Variants in U2SURP observed in about 807,000 individuals in gnomAD.
U2SURP encodes the protein U2 snRNP-associated SURP motif-containing protein.
U2SURP carries 9 observed loss-of-function variants against 144.9 expected under a neutral mutation model. That is an observed-to-expected ratio of 0.06 (90% CI 0.04 to 0.11). The LOEUF is 0.11. U2SURP is among the 10% of genes least tolerant of loss of function. The pLI is 1.00. For synonymous variants in U2SURP, 408 were observed against 396.8 expected (o/e 1.03, Z -0.33); for missense variants, 724 against 1,226.7 (o/e 0.59, Z 6.12).
intron 3 of U2SURP, among the ~76,000 whole-genome samples, chr3:143,012,765 A>T (rs1936183500): frequency 6.6e-6 from 1 of 152,044 alleles, no homozygotes; most frequent in Non-Finnish European, 1.5e-5. Flanking sequence ...GGTGCTATTC[A>T]CTCTAATGAG....
intron 23 of U2SURP, 72 bp downstream of exon 23, chr3:143,039,032 G>T: frequency 9.2e-7 from 1 of 1,086,158 alleles, no homozygotes. Flanking sequence ...AGATATAGTT[G>T]AAATAATAGT....
intron 14 of U2SURP, among the ~76,000 whole-genome samples, chr3:143,027,672 C>T (rs1039891530): frequency 6.6e-6 from 1 of 152,044 alleles, no homozygotes; most frequent in African/African-American, 2.4e-5. Flanking sequence ...TATATTTTAT[C>T]TTCAGGCATG....
intron 8 of U2SURP, among the ~76,000 whole-genome samples, chr3:143,020,982 A>G (rs1212160670): frequency 6.6e-6 from 1 of 152,222 alleles, no homozygotes; most frequent in East Asian, 1.9e-4. Context: ...ACCTAAGGTC[A>G]GGAGTTCGAG....
At chr3:143,012,749 G>A (rs1274552774) in intron 3 of U2SURP, among the ~76,000 whole-genome samples, 2 of 152,140 alleles carry the variant, frequency 1.3e-5, no homozygotes, top group Non-Finnish European at 2.9e-5. Flanking sequence ...AAAGCAAACA[G>A]GAGCAGGTGC....
At chr3:143,039,744 A>T (rs1934004135) in intron 23 of U2SURP, among the ~76,000 whole-genome samples, 1 of 151,868 alleles carries the variant, frequency 6.6e-6, no homozygotes, top group African/African-American at 2.4e-5. Context: ...GTCCTAGCAC[A>T]ATATGGGCAT....
Position 143,056,452 on chromosome 3 carries a change from G to T in U2SURP, c.*2G>T, listed in dbSNP as rs754417273. On this transcript the variant is annotated 3_prime_UTR_variant, in exon 28 of 28. Coordinates refer to ENST00000473835, the MANE Select transcript of U2SURP (RefSeq NM_001080415.2). Reference sequence around the variant, plus strand: ...AAGTCAAAGAAAAACAAACACTGACGTAAATTTTTAAGATGCTGTCACTTA... The same window carrying T: ...AAGTCAAAGAAAAACAAACACTGACTTAAATTTTTAAGATGCTGTCACTTA... 1 of 1,610,960 alleles carries T rather than the reference G, an allele frequency of 6.2e-7. No homozygotes were observed. The highest frequency in any genetic ancestry group is 1.3e-5 in the African/African-American group (1 of 74,666).
At chr3:143,010,765 G>T (rs756147160) in intron 1 of U2SURP, 50 bp from the exon 2 acceptor site, 1 of 1,400,276 alleles carries the variant, frequency 7.1e-7, no homozygotes. Flanking sequence ...GACATGTTTT[G>T]TTAGTATAAG....
At chr3:143,015,157 C>A (rs746011056) in intron 4 of U2SURP, among the ~76,000 whole-genome samples, 1 of 152,074 alleles carries the variant, frequency 6.6e-6, no homozygotes, top group Non-Finnish European at 1.5e-5. Flanking sequence ...TTGCCAATCT[C>A]CTACATGAAA....
In U2SURP at chr3:143,058,525, A is replaced by G. The variant is rs1186751979; in HGVS notation, c.*2075A>G. The G allele has an allele frequency of 6.6e-6, 1 of 151,720 alleles. No homozygotes were observed. The highest frequency in any genetic ancestry group is 1.5e-5 in the Non-Finnish European group (1 of 67,784). 9.4% of individuals were successfully genotyped at this position (151,720 alleles called of 1,614,324 possible). ...GAGGATTTCTTAGGCCTGATAGAAT[A>G]TATATTCTGTGAAGTTTGTTAATGT... is the stretch of plus-strand genomic sequence containing the variant. On this transcript the variant is annotated 3_prime_UTR_variant, in exon 28 of 28. Transcript: ENST00000473835.
chr3:143,014,187 C>T (rs746482358), intron 3 of U2SURP, 124 bp from the exon 4 acceptor site: 21 of 517,986 alleles, frequency 4.1e-5, no homozygotes, highest in Non-Finnish European at 6.9e-5. Flanking sequence ...CCCAACTTTT[C>T]TTTACAATGA....
At chr3:143,032,583 T>C (rs1207999021) in intron 16 of U2SURP, among the ~76,000 whole-genome samples, 1 of 152,214 alleles carries the variant, frequency 6.6e-6, no homozygotes, top group African/African-American at 2.4e-5. Flanking sequence ...TGGAATCTTA[T>C]TCTACAGAGT....
chr3:143,008,492 GC>G (rs1290441773), intron 1 of U2SURP, among the ~76,000 whole-genome samples: 13 of 152,178 alleles, frequency 8.5e-5, no homozygotes, highest in Non-Finnish European at 1.9e-4. Context: ...GGAATTTAGA[GC>G]GGTTGAATGA....
Position 143,059,448 on chromosome 3 carries a change from A to G in U2SURP, c.*2998A>G, listed in dbSNP as rs1331306365. 1 of 151,976 alleles carries G rather than the reference A, an allele frequency of 6.6e-6. No homozygotes were observed. The highest frequency in any genetic ancestry group is 1.5e-5 in the Non-Finnish European group (1 of 67,808). The allele number at this position is 151,976 out of a possible 1,614,324, so 9.4% of individuals were successfully genotyped here. On this transcript the variant is annotated 3_prime_UTR_variant, in exon 28 of 28. Coordinates refer to ENST00000473835, the MANE Select transcript of U2SURP (RefSeq NM_001080415.2). Reference sequence around the variant, plus strand: ...TGAGCACTTGAAAATACTTTTGAGAAATTTTAACTGTGATTAAATTTAGGT... The same window carrying G: ...TGAGCACTTGAAAATACTTTTGAGAGATTTTAACTGTGATTAAATTTAGGT...
At chr3:143,035,432 T>C (rs1208233112) in intron 19 of U2SURP, among the ~76,000 whole-genome samples, 1 of 152,182 alleles carries the variant, frequency 6.6e-6, no homozygotes, top group East Asian at 1.9e-4. Flanking sequence ...AAGAAGACTT[T>C]TTTAAGAAAA....
intron 8 of U2SURP, among the ~76,000 whole-genome samples, chr3:143,020,958 G>A (rs564822291): frequency 6.6e-6 from 1 of 152,176 alleles, no homozygotes; most frequent in African/African-American, 2.4e-5. Context: ...TTGGGAGGCC[G>A]AGGCAAGTGG....
intron 3 of U2SURP, 143 bp from the exon 4 acceptor site, chr3:143,014,168 T>G: frequency 8.6e-6 from 4 of 466,780 alleles, no homozygotes. Flanking sequence ...ACCTGATGTG[T>G]AGAGTAGCCC....
chr3:143,028,190 G>A, intron 14 of U2SURP, 150 bp from the exon 15 acceptor site: 2 of 853,398 alleles, frequency 2.3e-6, no homozygotes, highest in Non-Finnish European at 3.6e-6. Context: ...TAGGTAGCGG[G>A]TGGTAGTGGG....
intron 12 of U2SURP, 109 bp downstream of exon 12, chr3:143,023,173 C>A: frequency 9.8e-7 from 1 of 1,022,362 alleles, no homozygotes; most frequent in Non-Finnish European, 1.4e-6. Flanking sequence ...TTCTGTTTGG[C>A]AACTTTTAAA....
Position 143,056,635 on chromosome 3 carries a change from T to TA in U2SURP, c.*188dup. 1 of 600,274 alleles carries TA rather than the reference T, an allele frequency of 1.7e-6. No homozygotes were observed. Among genetic ancestry groups the TA allele is most frequent in the Non-Finnish European group, 2.7e-6 (1 of 363,722 alleles). The allele number at this position is 600,274 out of a possible 1,614,324, so 37.2% of individuals were successfully genotyped here. A position where few individuals can be genotyped will look rare whatever the true frequency, so the allele number is the denominator to read the frequency against. On this transcript the variant is annotated 3_prime_UTR_variant, in exon 28 of 28. Transcript: ENST00000473835. Reference sequence around the variant, plus strand: ...AGATCTGTCATTGTTTTATATTGTGTAAATTACTTTCATTGTGGCTATTTC... The same window carrying TA: ...AGATCTGTCATTGTTTTATATTGTGTAAAATTACTTTCATTGTGGCTATTTC...
Sources: gnomAD v4.1 joint callset for allele counts (sites outside exome capture counted in the v4.1 genomes callset) on GRCh38, gnomAD v4.1.1 for gene constraint, MANE v1.5 for transcripts, NCBI Gene and HGNC (gene_info 2026-07-23, HGNC 2026-07-21) for gene names.